The following PYGB variants were observed in gnomAD, a reference collection of about 807,000 sequenced individuals.
The protein encoded by PYGB is glycogen phosphorylase B.
PYGB carries 82 observed loss-of-function variants against 94.3 expected under a neutral mutation model. That is an observed-to-expected ratio of 0.87 (90% CI 0.73 to 1.04). The LOEUF (loss-of-function observed/expected upper bound fraction) is 1.04, where lower values mean the gene tolerates loss of function less well. Ranked by LOEUF, PYGB falls within the 50% of genes least tolerant of loss-of-function variation. The pLI is 0.00. For synonymous variants in PYGB, 488 were observed against 479.1 expected (o/e 1.02, Z -0.24); for missense variants, 1,132 against 1,158.2 (o/e 0.98, Z 0.33).
At chr20:25,271,533 C>A (rs2088268655) in intron 4 of PYGB, 47 bp downstream of exon 4, 9 of 1,563,504 alleles carry the variant, frequency 5.8e-6, no homozygotes, top group African/African-American at 1.4e-5. Context: ...CTCGTTCACA[C>A]AATAAAATGG....
At chr20:25,260,978 G>A (rs374538632) in intron 2 of PYGB, among the ~76,000 whole-genome samples, 18 of 152,174 alleles carry the variant, frequency 1.2e-4, no homozygotes, top group Non-Finnish European at 2.4e-4. Context: ...CAGAGCAGCC[G>A]GGAAGCTTGA....
At chr20:25,294,634 C>T (rs1005662522) in intron 18 of PYGB, 19 of 551,630 alleles carry the variant, frequency 3.4e-5, no homozygotes, top group Non-Finnish European at 5.5e-5. Context: ...GGAGCATGGG[C>T]CCAAAACTCC....
chr20:25,296,044 G>C (rs2258769), intron 19 of PYGB, among the ~76,000 whole-genome samples: 68,403 of 151,998 alleles, frequency 0.45, 16,013 homozygotes, highest in East Asian at 0.92. Flanking sequence ...GACTGCCTGG[G>C]CATGTCCCCT....
At chr20:25,265,586 T>C (rs2088209567) in intron 2 of PYGB, among the ~76,000 whole-genome samples, 1 of 147,392 alleles carries the variant, frequency 6.8e-6, no homozygotes, top group African/African-American at 2.6e-5. Flanking sequence ...GTTTTCTTGT[T>C]GTTGAATTTT....
chr20:25,265,551 T>G (rs994951854), intron 2 of PYGB, among the ~76,000 whole-genome samples: 2 of 152,200 alleles, frequency 1.3e-5, no homozygotes, highest in Non-Finnish European at 2.9e-5. Context: ...TTCAATTCAT[T>G]TACTCATTTT....
At position 25,292,482 on chromosome 20, in the gene PYGB, C is replaced by T. The variant is rs2088477423; in HGVS notation, c.2046C>T (p.Phe682=). The T allele has an allele frequency of 6.2e-7, 1 of 1,613,670 alleles. No homozygotes were observed. Among genetic ancestry groups the T allele is most frequent in the African/African-American group, 1.3e-5 (1 of 75,074 alleles). ...TEASGTGNMK[F]MLNGALTIGT... ...CCTCAGGCACAGGCAACATGAAGTTCATGCTCAACGGGGCCCTCACCATCG... is the reference window on the plus strand; with the variant it reads ...CCTCAGGCACAGGCAACATGAAGTTTATGCTCAACGGGGCCCTCACCATCG... The change falls in exon 17 of 20, where the codon TTC becomes TTT. Residue 682 remains phenylalanine, a synonymous_variant. Transcript: ENST00000216962.
At chr20:25,278,591 C>G in intron 8 of PYGB, 129 bp downstream of exon 8, 1 of 1,312,950 alleles carries the variant, frequency 7.6e-7, no homozygotes. Context: ...GGGGTCTCGT[C>G]ATTCTGGGCC....
intron 7 of PYGB, 69 bp downstream of exon 7, chr20:25,277,395 G>A: frequency 1.4e-6 from 2 of 1,461,290 alleles, no homozygotes; most frequent in South Asian, 1.2e-5. Flanking sequence ...TGGGCTGGCT[G>A]GCCGGGCTCC....
intron 1 of PYGB, among the ~76,000 whole-genome samples, chr20:25,254,988 G>A (rs544270889): frequency 3.3e-5 from 5 of 152,164 alleles, no homozygotes; most frequent in African/African-American, 2.4e-5. Flanking sequence ...TGTTTGAGTC[G>A]TAGGTACTGG....
intron 3 of PYGB, among the ~76,000 whole-genome samples, chr20:25,270,206 GTT>G (rs1166786019): frequency 2.7e-5 from 3 of 111,922 alleles, no homozygotes; most frequent in African/African-American, 9.1e-5. Context: ...GTTTTGTTTT[GTT>G]TTTTTTTTTT....
intron 15 of PYGB, chr20:25,289,737 G>A (rs2088448864): frequency 2.1e-6 from 1 of 466,090 alleles, no homozygotes. Context: ...ACCCAGACTA[G>A]CTGAAGCATT....
intron 2 of PYGB, among the ~76,000 whole-genome samples, chr20:25,267,025 A>G (rs906649221): frequency 1.3e-5 from 2 of 152,248 alleles, no homozygotes; most frequent in Non-Finnish European, 2.9e-5. Flanking sequence ...GTCTACATGA[A>G]AAGCTGTATA....
intron 1 of PYGB, among the ~76,000 whole-genome samples, chr20:25,253,426 T>C (rs574350410): frequency 1.3e-3 from 193 of 151,622 alleles, no homozygotes; most frequent in Non-Finnish European, 2.3e-3. Flanking sequence ...CTGAGGCAGG[T>C]GGATCACCTG....
intron 12 of PYGB, 120 bp from the exon 13 acceptor site, chr20:25,283,056 G>A (rs1278656604): frequency 1.2e-6 from 1 of 832,036 alleles, no homozygotes; most frequent in Admixed American, 2.2e-5. Context: ...GGAGGGGCCG[G>A]ACAAGCAGAT....
chr20:25,295,804 A>G, intron 19 of PYGB, 134 bp downstream of exon 19: 1 of 1,004,658 alleles, frequency 1.0e-6, no homozygotes, highest in Non-Finnish European at 1.5e-6. Context: ...CTGATCTGTC[A>G]TCAGTCGGCT....
intron 1 of PYGB, among the ~76,000 whole-genome samples, chr20:25,256,729 G>C (rs2092903523): frequency 6.6e-6 from 1 of 152,204 alleles, no homozygotes; most frequent in Non-Finnish European, 1.5e-5. Context: ...TCCCTGAGCA[G>C]GGAAGCCCTG....
Position 25,280,349 on chromosome 20 carries a change from G to A in PYGB, c.1176G>A (p.Met392Ile), listed in dbSNP as rs2088354616. ...PEALERWPVS[M>I]FEKLLPRHLE... ...CCTTGGAGCGCTGGCCCGTGTCCAT[G>A]TTTGAGAAGCTGCTGCCGCGGCACC... is the stretch of plus-strand genomic sequence containing the variant. Residue 392 changes from methionine to isoleucine, a missense_variant, in exon 10 of 20, where the codon ATG becomes ATA. Transcript: ENST00000216962. The A allele has an allele frequency of 6.2e-7, 1 of 1,614,200 alleles. No homozygotes were observed. Among genetic ancestry groups the A allele is most frequent in the Non-Finnish European group, 8.5e-7 (1 of 1,179,998 alleles).
intron 16 of PYGB, 77 bp downstream of exon 16, chr20:25,290,699 C>G: frequency 1.9e-6 from 3 of 1,548,582 alleles, no homozygotes. Flanking sequence ...CCGGGCCTTT[C>G]ATCCTCAGCC....
intron 18 of PYGB, chr20:25,294,718 A>C: frequency 3.2e-6 from 2 of 615,764 alleles, no homozygotes; most frequent in Non-Finnish European, 5.9e-6. Context: ...GGCAGTGGTG[A>C]AAATGGATTT....
Sources: gnomAD v4.1 joint callset for allele counts (sites outside exome capture counted in the v4.1 genomes callset) on GRCh38, gnomAD v4.1.1 for gene constraint, MANE v1.5 for transcripts, NCBI Gene and HGNC (gene_info 2026-07-23, HGNC 2026-07-21) for gene names.